PTPRD: variants seen among roughly 807,000 people sequenced by gnomAD.
PTPRD encodes the protein protein tyrosine phosphatase receptor type D.
A neutral mutation model predicts 214.5 loss-of-function variants in PTPRD; 34 were observed. That is an observed-to-expected ratio of 0.16 (90% CI 0.12 to 0.21). The LOEUF (loss-of-function observed/expected upper bound fraction) is 0.21, where lower values mean the gene tolerates loss of function less well. Ranked by LOEUF, PTPRD falls within the 10% of genes least tolerant of loss-of-function variation. The pLI is 1.00. For missense variants in PTPRD, 2,545 were observed against 2,398.7 expected, an observed-to-expected ratio of 1.06 and a Z score of -1.27; for synonymous variants, 1,128 against 845.7, an observed-to-expected ratio of 1.33 and a Z score of -5.79.
intron 7 of PTPRD, among the ~76,000 whole-genome samples, chr9:9,610,203 G>A (rs964130374): frequency 6.6e-6 from 1 of 152,138 alleles, no homozygotes; most frequent in South Asian, 2.1e-4. Context: ...TAAGAGCCAC[G>A]ATGAAAATGA....
intron 3 of PTPRD, among the ~76,000 whole-genome samples, chr9:10,121,771 C>A (rs547863526): frequency 6.6e-6 from 1 of 152,222 alleles, no homozygotes; most frequent in South Asian, 2.1e-4. Context: ...TTACGCAGAC[C>A]CTTTGTAGGT....
intron 8 of PTPRD, among the ~76,000 whole-genome samples, chr9:9,405,456 C>A (rs1228258348): frequency 6.6e-6 from 1 of 152,050 alleles, no homozygotes; most frequent in South Asian, 2.1e-4. Context: ...TCCCTTTAAT[C>A]CTAAATTAAA....
chr9:9,966,152 C>T (rs1056916061), intron 4 of PTPRD, among the ~76,000 whole-genome samples: 2 of 152,102 alleles, frequency 1.3e-5, no homozygotes, highest in African/African-American at 2.4e-5. Context: ...GGAGACCATC[C>T]TAAATTGGCA....
chr9:10,114,230 G>A (rs910531230), intron 3 of PTPRD, among the ~76,000 whole-genome samples: 1 of 152,142 alleles, frequency 6.6e-6, no homozygotes, highest in African/African-American at 2.4e-5. Flanking sequence ...CCTTTATAGA[G>A]TTGTTAGGAT....
At chr9:9,782,673 G>C (rs2098862120) in intron 5 of PTPRD, among the ~76,000 whole-genome samples, 1 of 152,064 alleles carries the variant, frequency 6.6e-6, no homozygotes, top group Non-Finnish European at 1.5e-5. Flanking sequence ...TTATTTATGT[G>C]GAAGACAAAA....
At chr9:8,492,817 G>C (rs1189121007) in intron 27 of PTPRD, 45 bp downstream of exon 27, 3 of 1,410,988 alleles carry the variant, frequency 2.1e-6, no homozygotes, top group Admixed American at 3.4e-5. Flanking sequence ...CATTTAAAAA[G>C]TTAGTATTAC....
chr9:8,806,360 T>C (rs530037851), intron 11 of PTPRD, among the ~76,000 whole-genome samples: 4 of 152,118 alleles, frequency 2.6e-5, no homozygotes, highest in African/African-American at 9.6e-5. Flanking sequence ...CACCAGTAAA[T>C]TGATTTCAAA....
intron 2 of PTPRD, among the ~76,000 whole-genome samples, chr9:10,472,723 A>G (rs2099039119): frequency 6.6e-6 from 1 of 152,126 alleles, no homozygotes. Flanking sequence ...CTAGGTAGCT[A>G]GAATTCTCTT....
intron 9 of PTPRD, among the ~76,000 whole-genome samples, chr9:9,313,623 G>A (rs1260525128): frequency 6.6e-6 from 1 of 152,110 alleles, no homozygotes; most frequent in Admixed American, 6.6e-5. Flanking sequence ...AGGGGAGGAG[G>A]GGTGGATGCC....
At chr9:9,765,262 T>A (rs927168037) in intron 6 of PTPRD, among the ~76,000 whole-genome samples, 14 of 152,096 alleles carry the variant, frequency 9.2e-5, no homozygotes, top group African/African-American at 1.9e-4. Context: ...TCCATATGAG[T>A]AACACTGCAG....
At chr9:9,729,172 C>G (rs1408281587) in intron 7 of PTPRD, among the ~76,000 whole-genome samples, 3 of 152,108 alleles carry the variant, frequency 2.0e-5, no homozygotes, top group Non-Finnish European at 4.4e-5. Context: ...TAAAATGCAA[C>G]TCAGTTGCTT....
chr9:10,166,045 A>G lies in PTPRD; in HGVS notation c.-544-132255T>C, dbSNP rs957422704. ...ATATCATATATATTATGCATTATAT[A>G]TACATGTATGCATATTTAAATAATG... On this transcript the variant is annotated intron_variant, in intron 3 of 45. Transcript: ENST00000381196. Among the ~76,000 whole-genome samples, 3 of 149,888 alleles carry G rather than the reference A, an allele frequency of 2.0e-5. No homozygotes were observed. The East Asian group carries it at 5.8e-4, about 29-fold the overall frequency.
intron 14 of PTPRD, among the ~76,000 whole-genome samples, chr9:8,557,687 G>A (rs941477809): frequency 6.9e-5 from 10 of 144,188 alleles, no homozygotes; most frequent in African/African-American, 2.0e-4. Flanking sequence ...AGGTTGCAGT[G>A]AGCCGAGATC....
At chr9:9,968,854 A>C (rs1018682874) in intron 4 of PTPRD, among the ~76,000 whole-genome samples, 1 of 152,152 alleles carries the variant, frequency 6.6e-6, no homozygotes, top group Non-Finnish European at 1.5e-5. Context: ...AACCAAAGAC[A>C]CAGAACTAAG....
At chr9:9,589,696 C>A (rs583921) in intron 7 of PTPRD, among the ~76,000 whole-genome samples, 5 of 151,766 alleles carry the variant, frequency 3.3e-5, no homozygotes, top group Non-Finnish European at 4.4e-5. Flanking sequence ...ATAAGACAAC[C>A]CATTATTTCA....
intron 5 of PTPRD, among the ~76,000 whole-genome samples, chr9:9,865,851 C>G (rs1202305873): frequency 6.6e-6 from 1 of 152,212 alleles, no homozygotes; most frequent in Non-Finnish European, 1.5e-5. Flanking sequence ...CAAAGCAAGT[C>G]TCATAACACC....
At chr9:9,510,324 TTTAAAAACAGGATGTC>T (rs2096670169) in intron 8 of PTPRD, among the ~76,000 whole-genome samples, 1 of 151,732 alleles carries the variant, frequency 6.6e-6, no homozygotes, top group African/African-American at 2.4e-5. Context: ...ACTATAAACT[TTTAAAAACAGGATGTC>T]TTATTCTTTT....
At chr9:8,782,606 T>C (rs1304832959) in intron 11 of PTPRD, among the ~76,000 whole-genome samples, 1 of 150,870 alleles carries the variant, frequency 6.6e-6, no homozygotes. Flanking sequence ...CTTTTTTTTT[T>C]TTTTTTTTTG....
At chr9:10,167,682 T>C (rs2099167753) in intron 3 of PTPRD, among the ~76,000 whole-genome samples, 1 of 152,224 alleles carries the variant, frequency 6.6e-6, no homozygotes, top group Non-Finnish European at 1.5e-5. Flanking sequence ...CCAAAGCCTC[T>C]GAGGCTATCC....
Sources: allele counts gnomAD v4.1 joint callset (sites outside exome capture counted in the v4.1 genomes callset), GRCh38; gene constraint gnomAD v4.1.1; transcripts MANE v1.5; gene names NCBI Gene and HGNC (gene_info 2026-07-23, HGNC 2026-07-21).